The following ZNF728 variants were observed in gnomAD, a reference collection of about 807,000 sequenced individuals.
The protein encoded by ZNF728 is zinc finger protein 728.
In ZNF728, 12 loss-of-function variants were observed where a neutral mutation model predicts 12.5. The observed-to-expected ratio is 0.96, with a 90% confidence interval of 0.61 to 1.55. The LOEUF (loss-of-function observed/expected upper bound fraction) is 1.55. Ranked by LOEUF, ZNF728 falls within the 40% of genes most tolerant of loss-of-function variation. ZNF728 has a pLI of 0.00. For missense variants in ZNF728, 692 were observed against 719.2 expected (o/e 0.96, Z 0.43); for synonymous variants, 205 against 240.7 (o/e 0.85, Z 1.37).
In ZNF728 at chr19:22,976,504, T is replaced by C. The variant is rs547645806; in HGVS notation, c.833A>G (p.His278Arg). 1 of 1,613,182 alleles carries C rather than the reference T, an allele frequency of 6.2e-7. No individual in the cohort carries two copies. Among genetic ancestry groups the C allele is most frequent in the South Asian group, 1.1e-5 (1 of 91,072 alleles). The change falls in exon 4 of 4, where the codon CAT becomes CGT. Residue 278 changes from histidine (H) to arginine (R), a missense_variant. Physicochemically the swap from His to Arg is conservative, Grantham distance 29 (BLOSUM62 0). Around this residue, in one of 3 missense-constraint regions of ZNF728, gnomAD observed 440 missense variants for 459.6 expected, o/e 0.96. Coordinates refer to ENST00000594710, the MANE Select transcript of ZNF728 (RefSeq NM_001267716.2). The stretch of plus-strand genomic sequence containing the variant: ...ACATTTGTAGGGTTTCTCTCCAGCA[T>C]GACTTCTCTTATGTTCAATAAGGCT... ...SSSLIEHKRSHAGEKPYKCEE... is the reference protein window; with the variant it reads ...SSSLIEHKRSRAGEKPYKCEE...
chr19:22,976,042 G>C lies in ZNF728; in HGVS notation c.1295C>G (p.Ala432Gly). The C allele has an allele frequency of 6.3e-7, 1 of 1,589,748 alleles. No individual in the cohort carries two copies. Among genetic ancestry groups the C allele is most frequent in the East Asian group, 2.3e-5 (1 of 43,540 alleles). ...KPYKCEECGK[A>G]FTTFSSLTKH... is the part of the protein sequence containing the mutation. ...AGTAAGGCTCGAAAATGTAGTAAAG[G>C]CTTTGCCACATTCTTCACATTTGTA... The change falls in exon 4 of 4, where the codon GCC becomes GGC. Residue 432 changes from alanine (A) to glycine (G), a missense_variant. This residue lies in a region of ZNF728 where 244 missense variants were observed against 235.2 expected (regional missense o/e 1.04). Coordinates refer to ENST00000594710, the MANE Select transcript of ZNF728 (RefSeq NM_001267716.2).
intron 1 of ZNF728, among the ~76,000 whole-genome samples, chr19:23,002,742 G>A (rs895852848): frequency 2.0e-5 from 3 of 152,186 alleles, no homozygotes; most frequent in African/African-American, 7.2e-5. Flanking sequence ...CATGCTCCCT[G>A]CACATCTGAG....
At chr19:22,994,453 C>G (rs1969027571) in intron 1 of ZNF728, among the ~76,000 whole-genome samples, 2 of 152,184 alleles carry the variant, frequency 1.3e-5, no homozygotes, top group Admixed American at 6.5e-5. Context: ...AGAAAGAAAA[C>G]TGTTTTATTA....
In ZNF728 at chr19:22,975,912, A is replaced by C. The variant is rs1968790822; in HGVS notation, c.1425T>G (p.Ala475=). ...CTTCACATTTGTAGAGTTTCTCTCC[A>C]GCATGAATTGCCTTATGTGTAGTAA... ...SSLTTHKAIH[A]GEKLYKCEEC... The change falls in exon 4 of 4, where the codon GCT becomes GCG. Residue 475 remains alanine (A), a synonymous_variant. Coordinates refer to ENST00000594710, the MANE Select transcript of ZNF728 (RefSeq NM_001267716.2). The C allele has an allele frequency of 6.2e-7, 1 of 1,606,420 alleles. No homozygotes were observed. Among genetic ancestry groups the C allele is most frequent in the African/African-American group, 1.3e-5 (1 of 74,788 alleles).
At chr19:22,983,670 G>T (rs563461364) in intron 3 of ZNF728, among the ~76,000 whole-genome samples, 1 of 152,286 alleles carries the variant, frequency 6.6e-6, no homozygotes, top group Admixed American at 6.5e-5. Flanking sequence ...GGAATACTAT[G>T]CAGCCATAAA....
intron 1 of ZNF728, 83 bp downstream of exon 1, chr19:23,002,945 G>A (rs777073089): frequency 3.9e-6 from 6 of 1,544,914 alleles, no homozygotes; most frequent in Non-Finnish European, 4.4e-6. Context: ...CTGAGAGGAG[G>A]CCTGAGTCCC....
At chr19:22,977,624 C>T (rs1968820789) in intron 3 of ZNF728, among the ~76,000 whole-genome samples, 1 of 152,142 alleles carries the variant, frequency 6.6e-6, no homozygotes, top group Non-Finnish European at 1.5e-5. Flanking sequence ...TGCAGCAGAG[C>T]ACTGCAGTGC....
intron 1 of ZNF728, among the ~76,000 whole-genome samples, chr19:22,999,407 T>C (rs997694738): frequency 6.7e-6 from 1 of 149,106 alleles, no homozygotes; most frequent in Non-Finnish European, 1.5e-5. Flanking sequence ...GCCCCAGCTT[T>C]CCAAGGCTCT....
At chr19:22,995,992 A>T (rs1969046445) in intron 1 of ZNF728, 1 of 152,162 alleles carries the variant, frequency 6.6e-6, no homozygotes, top group Admixed American at 6.5e-5. Flanking sequence ...ATTTGGTAAA[A>T]TATAAGACAC....
chr19:22,975,544 C>G lies in ZNF728; in HGVS notation c.1793G>C (p.Gly598Ala). ...GKKFYKCEEC[G>A]KDFNQSSHLT... ...GTGTGAGGATTGGTTGAAGTCTTTA[C>G]CACATTCTTCACATTTGTAGAATTT... Residue 598 changes from glycine to alanine, a missense_variant, in exon 4 of 4, where the codon GGT becomes GCT. Coordinates refer to ENST00000594710, the MANE Select transcript of ZNF728 (RefSeq NM_001267716.2). 2 of 1,581,008 alleles carry G rather than the reference C, an allele frequency of 1.3e-6. No homozygotes were observed. The highest frequency in any genetic ancestry group is 1.7e-6 in the Non-Finnish European group (2 of 1,164,732).
intron 1 of ZNF728, 33 bp downstream of exon 1, chr19:23,002,995 A>G: frequency 6.3e-7 from 1 of 1,584,312 alleles, no homozygotes; most frequent in South Asian, 1.1e-5. Flanking sequence ...AGCGGCTGCC[A>G]CTCTCTCGGG....
chr19:22,992,781 A>T (rs929143396), intron 1 of ZNF728, among the ~76,000 whole-genome samples: 3 of 152,226 alleles, frequency 2.0e-5, no homozygotes, highest in African/African-American at 7.2e-5. Flanking sequence ...TGTCACTCTT[A>T]TCAGCCTGAC....
chr19:22,988,369 T>C lies in ZNF728; in HGVS notation c.86A>G (p.Tyr29Cys), dbSNP rs1305516365. ...QCLDTAQQNL[Y>C]RNVMLENYRN... Reference sequence around the variant, plus strand: ...GTAGTTCTCTAACATCACATTCCTATATAAATTCTGCTGTGCAGTGTCCAG... The same window carrying C: ...GTAGTTCTCTAACATCACATTCCTACATAAATTCTGCTGTGCAGTGTCCAG... The change falls in exon 2 of 4, where the codon TAT becomes TGT. Residue 29 changes from tyrosine (Y) to cysteine (C), a missense_variant. This residue lies in a region of ZNF728 where 440 missense variants were observed against 459.6 expected (regional missense o/e 0.96). Transcript: ENST00000594710. 3 of 1,614,194 alleles carry C rather than the reference T, an allele frequency of 1.9e-6. No homozygotes were observed. The highest frequency in any genetic ancestry group is 1.7e-6 in the Non-Finnish European group (2 of 1,180,016).
intron 1 of ZNF728, among the ~76,000 whole-genome samples, chr19:22,993,626 G>A (rs921724482): frequency 1.3e-5 from 2 of 152,210 alleles, no homozygotes; most frequent in Non-Finnish European, 2.9e-5. Context: ...GGAACAGTGA[G>A]TGAGCTGATA....
At chr19:22,998,384 G>C (rs965289813) in intron 1 of ZNF728, among the ~76,000 whole-genome samples, 1 of 151,320 alleles carries the variant, frequency 6.6e-6, no homozygotes, top group Non-Finnish European at 1.5e-5. Flanking sequence ...AGAAAAATTA[G>C]CTAGGCATGG....
At chr19:22,999,939 C>T (rs549236130) in intron 1 of ZNF728, among the ~76,000 whole-genome samples, 60 of 152,322 alleles carry the variant, frequency 3.9e-4, no homozygotes, top group African/African-American at 1.4e-3. Flanking sequence ...CACCAATTAT[C>T]TACCACATTT....
Position 22,975,377 on chromosome 19 carries a change from A to G in ZNF728, c.*91T>C. On this transcript the variant is annotated 3_prime_UTR_variant, in exon 4 of 4. Transcript: ENST00000594710. ...TTGAGGAACAGTTAAAAAATTTGCCACATTCTTCACATTTGTAGGGTTTCC... is the reference window on the plus strand; with the variant it reads ...TTGAGGAACAGTTAAAAAATTTGCCGCATTCTTCACATTTGTAGGGTTTCC... The G allele has an allele frequency of 3.1e-6, 4 of 1,307,638 alleles. No homozygotes were observed. The highest frequency in any genetic ancestry group is 4.2e-6 in the Non-Finnish European group (4 of 952,822). 81.0% of individuals were successfully genotyped at this position (1,307,638 alleles called of 1,614,324 possible). A position where few individuals can be genotyped will look rare whatever the true frequency, so the allele number is the denominator to read the frequency against.
At chr19:22,992,416 T>C (rs1253489209) in intron 1 of ZNF728, among the ~76,000 whole-genome samples, 1 of 152,074 alleles carries the variant, frequency 6.6e-6, no homozygotes, top group Non-Finnish European at 1.5e-5. Context: ...CTAATTTTTG[T>C]ATTTTTAGTA....
rs534703287 is a variant in ZNF728 at position 22,998,184 on chromosome 19, C to A, written c.3+4844G>T. Among the ~76,000 whole-genome samples the A allele has an allele frequency of 3.3e-5, 5 of 152,190 alleles. No homozygotes were observed. In the South Asian group the frequency reaches 1.0e-3, roughly 32 times the overall value. On this transcript the variant is annotated intron_variant, in intron 1 of 3. Transcript: ENST00000594710. ...GCAGCACTATTCACAACAGCAAAGA[C>A]ACGGAATCAACCTAAATGCCTATCA...
Sources: gnomAD v4.1 joint callset for allele counts (sites outside exome capture counted in the v4.1 genomes callset) on GRCh38, gnomAD v4.1.1 for gene constraint, gnomAD v4.1.1 regional missense constraint, MANE v1.5 for transcripts, NCBI Gene and HGNC (gene_info 2026-07-23, HGNC 2026-07-21) for gene names.